BPHL: variants seen among roughly 807,000 people sequenced by gnomAD.
The protein encoded by BPHL is biphenyl hydrolase like.
BPHL carries 27 observed loss-of-function variants against 31.2 expected under a neutral mutation model. The ratio of observed to expected loss-of-function variants is 0.87; its 90% CI spans 0.64 to 1.19. The LOEUF is 1.19. BPHL is among the 50% of genes most tolerant of loss of function. The probability of loss-of-function intolerance (pLI) is 0.00; values close to 1 mark genes in which losing one functional copy is unlikely to be tolerated. For synonymous variants in BPHL, 150 were observed against 146.8 expected (o/e 1.02, Z -0.16); for missense variants, 356 against 375.7 (o/e 0.95, Z 0.43).
chr6:3,152,240 ATG>A (rs1762543347), intron 6 of BPHL, among the ~76,000 whole-genome samples: 1 of 152,206 alleles, frequency 6.6e-6, no homozygotes, highest in Non-Finnish European at 1.5e-5. Context: ...TCCAAATATA[ATG>A]TGTGTCTGCT....
rs1393620069 is a variant in BPHL at position 3,124,478 on chromosome 6, A to G, written c.211+718A>G. Among the ~76,000 whole-genome samples, 6 of 152,214 alleles carry G rather than the reference A, an allele frequency of 3.9e-5. 1 individual carries two copies. The South Asian group carries it at 8.3e-4, about 21-fold the overall frequency. ...TCAGTATTCCTGGGGGACTGGATCC[A>G]GGAAGCCCTCAGATCCCAAAATCTG... On this transcript the variant is annotated intron_variant, in intron 2 of 6. Transcript: ENST00000380379.
At chr6:3,135,619 G>A (rs1487639256) in intron 4 of BPHL, among the ~76,000 whole-genome samples, 3 of 152,098 alleles carry the variant, frequency 2.0e-5, no homozygotes, top group Non-Finnish European at 4.4e-5. Context: ...CTTCTGAGAC[G>A]AGCGGACTTT....
chr6:3,122,968 C>T (rs1761616224), intron 1 of BPHL, among the ~76,000 whole-genome samples: 1 of 152,206 alleles, frequency 6.6e-6, no homozygotes, highest in African/African-American at 2.4e-5. Context: ...CGAGTGACTC[C>T]AGGGTCTCTG....
chr6:3,134,332 T>C (rs184190893), intron 4 of BPHL, among the ~76,000 whole-genome samples: 10 of 152,032 alleles, frequency 6.6e-5, no homozygotes, highest in African/African-American at 2.4e-4. Flanking sequence ...CAAGCACCTC[T>C]TCACAGTGGG....
chr6:3,146,795 C>CGGAGTGCTGGTTCGGGTT (rs1762395221), intron 6 of BPHL, among the ~76,000 whole-genome samples: 1 of 97,946 alleles, frequency 1.0e-5, no homozygotes, highest in African/African-American at 4.5e-5. Context: ...TGGTTTGGGT[C>CGGAGTGCTGGTTCGGGTT]GGAGTGCTGG....
intron 1 of BPHL, chr6:3,119,306 C>A (rs770974194): frequency 4.5e-6 from 7 of 1,546,850 alleles, no homozygotes; most frequent in Non-Finnish European, 1.7e-6. Context: ...AGCCTGAGTA[C>A]CGCTAAGGCT....
chr6:3,120,593 T>C (rs2096934556), intron 1 of BPHL, among the ~76,000 whole-genome samples: 1 of 152,186 alleles, frequency 6.6e-6, no homozygotes, highest in African/African-American at 2.4e-5. Context: ...TGCTTCAGAA[T>C]AGCCAGTGCC....
intron 6 of BPHL, among the ~76,000 whole-genome samples, chr6:3,143,571 A>C (rs1434590976): frequency 6.6e-6 from 1 of 152,246 alleles, no homozygotes; most frequent in African/African-American, 2.4e-5. Flanking sequence ...TACGAAACAC[A>C]CTATGAGAGC....
At chr6:3,144,000 C>T (rs1001967731) in intron 6 of BPHL, among the ~76,000 whole-genome samples, 8 of 152,290 alleles carry the variant, frequency 5.3e-5, no homozygotes, top group Non-Finnish European at 7.3e-5. Flanking sequence ...GAGGCTTCCT[C>T]GCCTCTGCAT....
At chr6:3,138,089 G>T (rs573550165) in intron 5 of BPHL, 17 of 936,604 alleles carry the variant, frequency 1.8e-5, no homozygotes, top group Admixed American at 9.4e-5. Flanking sequence ...CATGATCTCA[G>T]CTCACTGCAA....
rs67332286 is a variant in BPHL at position 3,121,291 on chromosome 6, C to CTT, written c.108-2340_108-2339dup. Among the ~76,000 whole-genome samples the CTT allele has an allele frequency of 4.2e-3, 334 of 80,402 alleles. 23 individuals are homozygous for CTT. Among genetic ancestry groups the CTT allele is most frequent in the South Asian group, 0.011 (27 of 2,362 alleles). 52.7% of individuals were successfully genotyped at this position (80,402 alleles called of 152,430 possible). A position where few individuals can be genotyped will look rare whatever the true frequency, so the allele number is the denominator to read the frequency against. On this transcript the variant is annotated intron_variant, in intron 1 of 6. Transcript: ENST00000380379. ...ACATACAATATGATAATAGCAGTTT[C>CTT]TTTTTTTTTTTTTTTTTTTTTTTTT... is the stretch of plus-strand genomic sequence containing the variant.
intron 6 of BPHL, among the ~76,000 whole-genome samples, chr6:3,146,632 G>A (rs1214908628): frequency 7.0e-6 from 1 of 143,250 alleles, no homozygotes; most frequent in African/African-American, 2.7e-5. Context: ...GTGCTGGTTC[G>A]GGTCGGAGTG....
chr6:3,144,406 A>G (rs1762270465), intron 6 of BPHL, among the ~76,000 whole-genome samples: 2 of 110,826 alleles, frequency 1.8e-5, no homozygotes, highest in African/African-American at 3.9e-5. Context: ...TTTTTTTAAG[A>G]GACAGGGCTT....
chr6:3,153,510 T>C lies in BPHL; in HGVS notation c.*935T>C, dbSNP rs1382556685. The C allele has an allele frequency of 1.8e-5, 7 of 380,876 alleles. No homozygotes were observed. In the East Asian group the frequency reaches 3.5e-4, roughly 19 times the overall value. The allele number at this position is 380,876 out of a possible 1,614,324, so 23.6% of individuals were successfully genotyped here. On this transcript the variant is annotated 3_prime_UTR_variant, in exon 7 of 7. Coordinates refer to ENST00000380379, the MANE Select transcript of BPHL (RefSeq NM_004332.4). ...CTGTACTAAAAGGACAGGAATGTTA[T>C]TAATTAAAACACTAAAGCAGAAATC...
chr6:3,120,250 A>G (rs9503402), intron 1 of BPHL, among the ~76,000 whole-genome samples: 8,256 of 152,030 alleles, frequency 0.054, 715 homozygotes, highest in African/African-American at 0.18. Flanking sequence ...GGCCAAGCTG[A>G]TCTCGAACTC....
chr6:3,124,719 G>A (rs1478045528), intron 2 of BPHL, among the ~76,000 whole-genome samples: 1 of 151,976 alleles, frequency 6.6e-6, no homozygotes. Context: ...TTTTTTTCCC[G>A]AAATATTTTT....
chr6:3,131,545 A>G (rs1391755652), intron 4 of BPHL, among the ~76,000 whole-genome samples: 1 of 152,164 alleles, frequency 6.6e-6, no homozygotes. Flanking sequence ...TTTGTTCTCC[A>G]TAGGAGAGTT....
intron 6 of BPHL, among the ~76,000 whole-genome samples, chr6:3,146,201 TGGAGTGCTGGTGTG>T: frequency 2.0e-5 from 1 of 49,072 alleles, no homozygotes; most frequent in South Asian, 6.0e-4. Context: ...TGGTTCGGGG[TGGAGTGCTGGTGTG>T]GGTTGGAGTG....
In BPHL at chr6:3,152,696, T is replaced by C. The variant is rs983889539; in HGVS notation, c.*121T>C. 6.0e-6 allele frequency: 5 copies of C among 838,920 alleles called. No individual in the cohort carries two copies. The highest frequency in any genetic ancestry group is 9.3e-6 in the Non-Finnish European group (5 of 538,618). 52.0% of individuals were successfully genotyped at this position (838,920 alleles called of 1,614,324 possible). Reference sequence around the variant, plus strand: ...CTTTCTACCCCTCCCTTCAATCTTATCCTAACCAAATGAGAATAATGACAT... The same window carrying C: ...CTTTCTACCCCTCCCTTCAATCTTACCCTAACCAAATGAGAATAATGACAT... On this transcript the variant is annotated 3_prime_UTR_variant, in exon 7 of 7. Transcript: ENST00000380379.
Sources: allele counts gnomAD v4.1 joint callset (sites outside exome capture counted in the v4.1 genomes callset), GRCh38; gene constraint gnomAD v4.1.1; transcripts MANE v1.5; gene names NCBI Gene and HGNC (gene_info 2026-07-23, HGNC 2026-07-21).